The following MGAT1 variants were observed in gnomAD, a reference collection of about 807,000 sequenced individuals.
MGAT1 encodes N-glycosyl-oligosaccharide-glycoprotein N-acetylglucosaminyltransferase I.
In MGAT1, 14 loss-of-function variants were observed where a neutral mutation model predicts 31.7. The observed-to-expected ratio is 0.44, with a 90% CI of 0.29 to 0.69. The LOEUF (loss-of-function observed/expected upper bound fraction) is 0.69. Among genes scored for constraint, MGAT1 ranks in the 30% least tolerant of loss-of-function variants. The pLI, the probability that MGAT1 is intolerant of heterozygous loss-of-function variation, is 0.12. For synonymous variants in MGAT1, 338 were observed against 276.0 expected, an observed-to-expected ratio of 1.22 and a Z score of -2.23; for missense variants, 557 against 626.0, an observed-to-expected ratio of 0.89 and a Z score of 1.18.
At chr5:180,809,670 C>A (rs935671951) in intron 1 of MGAT1, 1 of 152,100 alleles carries the variant, frequency 6.6e-6, no homozygotes, top group African/African-American at 2.4e-5. Flanking sequence ...CTCCCGAGAA[C>A]ACTCTCCTGG....
chr5:180,806,084 G>C (rs1268504060), upstream of MGAT1, among the ~76,000 whole-genome samples: 1 of 152,166 alleles, frequency 6.6e-6, no homozygotes, highest in African/African-American at 2.4e-5. Context: ...TCAGGAGATT[G>C]AGACCATCCT....
In MGAT1 at chr5:180,807,996, T is replaced by C. The variant is rs190277282; in HGVS notation, c.-127+652A>G. ...TTCATTTGCTCCTCGTAACAACTTGTAAGGGACCTGGAAAGTCAGTTTTCC... is the reference window on the plus strand; with the variant it reads ...TTCATTTGCTCCTCGTAACAACTTGCAAGGGACCTGGAAAGTCAGTTTTCC... On this transcript the variant is annotated intron_variant, in intron 2 of 2. Transcript: ENST00000333055. Among the ~76,000 whole-genome samples the C allele has an allele frequency of 4.2e-3, 636 of 152,312 alleles. 6 individuals carry two copies. Among genetic ancestry groups the C allele is most frequent in the Non-Finnish European group, 5.7e-3 (387 of 68,022 alleles).
Position 180,792,929 on chromosome 5 carries a change from T to C in MGAT1, c.43A>G (p.Ile15Val), listed in dbSNP as rs1452335527. The C allele has an allele frequency of 3.1e-6, 5 of 1,613,146 alleles. No individual in the cohort carries two copies. Among genetic ancestry groups the C allele is most frequent in the African/African-American group, 1.3e-5 (1 of 74,898 alleles). ...QSAGLVLWGAILFVAWNALLL... is the reference protein window; with the variant it reads ...QSAGLVLWGAVLFVAWNALLL... ...AGGGCATTCCAGGCCACAAAGAGGA[T>C]AGCGCCCCACAGCACAAGCCCTGCA... is the stretch of plus-strand genomic sequence containing the variant. Residue 15 changes from isoleucine (I) to valine (V), a missense_variant, in exon 2 of 2, where the codon ATC becomes GTC. By Grantham distance (29) the Ile-to-Val change is conservative. Around this residue, in one of 3 missense-constraint regions of MGAT1, gnomAD observed 167 missense variants for 149.8 expected, o/e 1.11. Transcript: ENST00000307826.
chr5:180,797,505 G>C (rs1307134969), intron 1 of MGAT1, among the ~76,000 whole-genome samples: 2 of 151,638 alleles, frequency 1.3e-5, no homozygotes, highest in Admixed American at 6.6e-5. Flanking sequence ...AAGCCTCCTG[G>C]GACCCTTGAG....
intron 2 of MGAT1, among the ~76,000 whole-genome samples, chr5:180,808,221 C>T (rs1300518955): frequency 1.3e-5 from 2 of 152,158 alleles, no homozygotes; most frequent in Non-Finnish European, 2.9e-5. Context: ...AGACCATTCC[C>T]GCCTTCTCCC....
upstream of MGAT1, among the ~76,000 whole-genome samples, chr5:180,804,130 G>T (rs1771486536): frequency 6.7e-6 from 1 of 149,336 alleles, no homozygotes; most frequent in Non-Finnish European, 1.5e-5. Context: ...GCATGGTGAG[G>T]GGCCTCACGG....
chr5:180,798,506 G>C (rs1007611541), intron 1 of MGAT1, among the ~76,000 whole-genome samples: 4 of 152,196 alleles, frequency 2.6e-5, no homozygotes, highest in African/African-American at 9.7e-5. Context: ...CAAGCTACAT[G>C]AAGACAGGGA....
chr5:180,812,074 C>T lies in MGAT1; in HGVS notation c.-545-3008G>A, dbSNP rs138252687. 6.9e-3 allele frequency among the ~76,000 whole-genome samples: 1,058 copies of T among 152,296 alleles called. 24 individuals are homozygous for T. The highest frequency in any genetic ancestry group is 0.024 in the African/African-American group (1,009 of 41,554). ...GCTCACCACTTCCTGAAATACTCGC[C>T]GGGTTTACCATGTATTGTCTGTCTC... On this transcript the variant is annotated intron_variant, in intron 1 of 2. Coordinates refer to the MGAT1 transcript ENST00000333055.
chr5:180,795,575 T>C (rs1769182156), intron 1 of MGAT1: 1 of 152,174 alleles, frequency 6.6e-6, no homozygotes, highest in Non-Finnish European at 1.5e-5. Flanking sequence ...AAAAACATAC[T>C]CTGCACACAT....
At chr5:180,813,667 G>T (rs1364248643) in intron 1 of MGAT1, among the ~76,000 whole-genome samples, 1 of 152,182 alleles carries the variant, frequency 6.6e-6, no homozygotes, top group Non-Finnish European at 1.5e-5. Flanking sequence ...CTGTCATTTG[G>T]TGTGGGGTGG....
intron 1 of MGAT1, among the ~76,000 whole-genome samples, chr5:180,799,006 A>C (rs1232388491): frequency 6.6e-6 from 1 of 152,156 alleles, no homozygotes; most frequent in Non-Finnish European, 1.5e-5. Flanking sequence ...ACACTGTTTT[A>C]AGTCTGGACT....
chr5:180,792,592 T>C lies in MGAT1; in HGVS notation c.380A>G (p.His127Arg). 1 of 1,611,144 alleles carries C rather than the reference T, an allele frequency of 6.2e-7. No individual in the cohort carries two copies. The highest frequency in any genetic ancestry group is 1.7e-4 in the Middle Eastern group (1 of 6,060). ...TVRRCLDKLL[H>R]YRPSAELFPI... ...GAAGAGCTCAGCCGAGGGCCGATAA[T>C]GCAGCAGCTTGTCCAGGCAGCGCCG... The change falls in exon 2 of 2, where the codon CAT becomes CGT. Residue 127 changes from histidine (H) to arginine (R), a missense_variant. His to Arg is a conservative substitution (Grantham distance 29). Transcript: ENST00000307826.
At chr5:180,814,091 T>G (rs1224491116) in intron 1 of MGAT1, among the ~76,000 whole-genome samples, 1 of 152,228 alleles carries the variant, frequency 6.6e-6, no homozygotes, top group Non-Finnish European at 1.5e-5. Context: ...CAGGTGTATA[T>G]TTTTTCACAC....
upstream of MGAT1, among the ~76,000 whole-genome samples, chr5:180,804,761 T>A (rs545374184): frequency 6.6e-6 from 1 of 152,268 alleles, no homozygotes; most frequent in Admixed American, 6.5e-5. Flanking sequence ...AGGACAGACA[T>A]CAGGGGGTGC....
chr5:180,795,343 T>C (rs1769129857), intron 1 of MGAT1: 1 of 152,074 alleles, frequency 6.6e-6, no homozygotes, highest in African/African-American at 2.4e-5. Context: ...TTGTACACTT[T>C]ATATGCAGTT....
chr5:180,799,347 G>T (rs988170758), intron 1 of MGAT1, among the ~76,000 whole-genome samples: 2 of 152,046 alleles, frequency 1.3e-5, no homozygotes, highest in African/African-American at 4.8e-5. Context: ...GCTCCAGCTG[G>T]TCCCTCATCC....
In MGAT1 at chr5:180,792,975, G is replaced by A; in HGVS notation, c.-4C>T. The A allele has an allele frequency of 6.2e-7, 1 of 1,613,086 alleles. No individual in the cohort carries two copies. Among genetic ancestry groups the A allele is most frequent in the Non-Finnish European group, 8.5e-7 (1 of 1,179,906 alleles). ...CTGCAGACTGCTTCTTCAGCATCCT[G>A]GCCCCCACCGGGGAGGGCAGGCCAG... On this transcript the variant is annotated 5_prime_UTR_variant, in exon 2 of 2. Transcript: ENST00000307826.
chr5:180,807,871 C>A (rs1215479149), intron 2 of MGAT1, among the ~76,000 whole-genome samples: 1 of 152,236 alleles, frequency 6.6e-6, no homozygotes, highest in African/African-American at 2.4e-5. Context: ...AAACAGAACT[C>A]CTGACTCAGA....
upstream of MGAT1, chr5:180,802,833 G>C (rs1174398280): frequency 6.6e-6 from 1 of 151,404 alleles, no homozygotes; most frequent in Non-Finnish European, 1.5e-5. Flanking sequence ...ACGGCCGGGC[G>C]GGCAACGTGG....
Sources: allele counts gnomAD v4.1 joint callset (sites outside exome capture counted in the v4.1 genomes callset), GRCh38; gene constraint gnomAD v4.1.1; regional missense constraint gnomAD v4.1.1; transcripts MANE v1.5; gene names NCBI Gene and HGNC (gene_info 2026-07-23, HGNC 2026-07-21).